Variants in SGSM1 observed in about 807,000 individuals in gnomAD.
SGSM1 encodes the protein small G protein signaling modulator 1, also known as RUN and TBC1 domain containing 2.
SGSM1 carries 73 observed loss-of-function variants against 133.8 expected under a neutral mutation model. That is an observed-to-expected ratio of 0.55 (90% CI 0.45 to 0.66). The LOEUF (loss-of-function observed/expected upper bound fraction) is 0.66. Among genes scored for constraint, SGSM1 ranks in the 30% least tolerant of loss-of-function variants. The pLI is 0.00. For missense variants in SGSM1, 1,213 were observed against 1,448.1 expected, an observed-to-expected ratio of 0.84 and a Z score of 2.64; for synonymous variants, 563 against 573.0, an observed-to-expected ratio of 0.98 and a Z score of 0.25.
intron 17 of SGSM1, 148 bp from the exon 18 acceptor site, chr22:24,895,075 G>A (rs1932882224): frequency 1.3e-6 from 1 of 770,566 alleles, no homozygotes; most frequent in Admixed American, 2.2e-5. Flanking sequence ...TCATTTTACA[G>A]CTAGGAAACT....
intron 14 of SGSM1, among the ~76,000 whole-genome samples, chr22:24,883,763 C>T (rs1369682278): frequency 6.6e-6 from 1 of 152,086 alleles, no homozygotes; most frequent in African/African-American, 2.4e-5. Flanking sequence ...TCGAGGCCAG[C>T]CTGGGCAAGA....
rs892227713 is a variant in SGSM1 at position 24,859,730 on chromosome 22, G to A, written c.816G>A (p.Glu272=). The A allele has an allele frequency of 1.9e-6, 3 of 1,613,918 alleles. No homozygotes were observed. Among genetic ancestry groups the A allele is most frequent in the East Asian group, 4.5e-5 (2 of 44,888 alleles). ...NVLVQPRDDM[E]AVPGYLSLHQ... is the part of the protein sequence containing the mutation. ...TCTCTCTGCAGAGGGACGACATGGAGGCTGTGCCAGGGTACCTGTCCCTGC... is the reference window on the plus strand; with the variant it reads ...TCTCTCTGCAGAGGGACGACATGGAAGCTGTGCCAGGGTACCTGTCCCTGC... Residue 272 remains glutamate, a synonymous_variant, in exon 9 of 25, where the codon GAG becomes GAA. Transcript: ENST00000400358.
intron 3 of SGSM1, among the ~76,000 whole-genome samples, chr22:24,847,420 G>A (rs543783977): frequency 2.8e-4 from 43 of 152,284 alleles, no homozygotes; most frequent in African/African-American, 9.9e-4. Flanking sequence ...CCCAGCAGAT[G>A]CCTAATAAGG....
rs559012693 is a variant in SGSM1 at position 24,840,005 on chromosome 22, C to T, written c.64-4892C>T. Reference sequence around the variant, plus strand: ...GCTGGAGTGCTGGAGTGCAGTGGCGCGATCTCAGCTCACTGCAAGCTCCGC... The same window carrying T: ...GCTGGAGTGCTGGAGTGCAGTGGCGTGATCTCAGCTCACTGCAAGCTCCGC... On this transcript the variant is annotated intron_variant, in intron 2 of 24. Coordinates refer to ENST00000400358, the MANE Select transcript of SGSM1 (RefSeq NM_001098497.3). Among the ~76,000 whole-genome samples the T allele has an allele frequency of 1.9e-3, 276 of 143,482 alleles. 1 individual carries two copies. The highest frequency in any genetic ancestry group is 6.9e-3 in the African/African-American group (262 of 38,202). The allele number at this position is 143,482 out of a possible 152,430, so 94.1% of individuals were successfully genotyped here. A position where few individuals can be genotyped will look rare whatever the true frequency, so the allele number is the denominator to read the frequency against.
chr22:24,826,024 G>T (rs1320123110), intron 2 of SGSM1, among the ~76,000 whole-genome samples: 1 of 152,214 alleles, frequency 6.6e-6, no homozygotes, highest in Non-Finnish European at 1.5e-5. Flanking sequence ...ACTGTGCTGG[G>T]TGCTTTAAAC....
chr22:24,868,825 ATCATCTACCCTGGC>A lies in SGSM1; in HGVS notation c.1262_1275del (p.Ile421AsnfsTer41), dbSNP rs753084677. ...TGAGGCCACGGATTATGTGTTCAGG[ATCATCTACCCTGGC>A]ATGCAGTCGGAATTCGGTGAGCTGC... On this transcript the variant is annotated frameshift_variant, in exon 12 of 25. Coordinates refer to ENST00000400358, the MANE Select transcript of SGSM1 (RefSeq NM_001098497.3). LOFTEE classifies it high-confidence loss of function. The A allele has an allele frequency of 1.2e-6, 2 of 1,613,856 alleles. No homozygotes were observed. The highest frequency in any genetic ancestry group is 1.7e-6 in the Non-Finnish European group (2 of 1,179,902).
At chr22:24,872,665 T>C (rs1931821707) in intron 12 of SGSM1, among the ~76,000 whole-genome samples, 1 of 152,280 alleles carries the variant, frequency 6.6e-6, no homozygotes, top group East Asian at 1.9e-4. Context: ...ACGCCTGTAA[T>C]CCCAGCACTT....
intron 9 of SGSM1, among the ~76,000 whole-genome samples, chr22:24,862,768 C>T (rs938342290): frequency 1.3e-5 from 2 of 152,204 alleles, no homozygotes; most frequent in Non-Finnish European, 2.9e-5. Flanking sequence ...GCTATGGAAC[C>T]AAGCCTTTGC....
intron 21 of SGSM1, among the ~76,000 whole-genome samples, chr22:24,905,788 C>CAAAAAA (rs539155528): frequency 1.1e-5 from 1 of 88,540 alleles, no homozygotes; most frequent in Non-Finnish European, 2.5e-5. Context: ...GACTCTGTCT[C>CAAAAAA]AAAAAAAAAA....
At chr22:24,880,395 A>G (rs959999372) in intron 14 of SGSM1, among the ~76,000 whole-genome samples, 6 of 152,134 alleles carry the variant, frequency 3.9e-5, no homozygotes, top group African/African-American at 1.4e-4. Flanking sequence ...CAGGCTCCCA[A>G]AGTGCTGGGA....
At chr22:24,873,728 G>C (rs9917593) in intron 12 of SGSM1, among the ~76,000 whole-genome samples, 1,759 of 152,222 alleles carry the variant, frequency 0.012, 17 homozygotes, top group African/African-American at 0.04. Context: ...TGGCACGTGC[G>C]TGTAGTCCCA....
chr22:24,828,159 C>T (rs1377658779), intron 2 of SGSM1, among the ~76,000 whole-genome samples: 3 of 151,996 alleles, frequency 2.0e-5, no homozygotes, highest in African/African-American at 4.8e-5. Flanking sequence ...GGTTTCCTAG[C>T]ACCTTGATTT....
intron 18 of SGSM1, among the ~76,000 whole-genome samples, chr22:24,896,995 A>G (rs1325630644): frequency 6.6e-6 from 1 of 151,968 alleles, no homozygotes; most frequent in African/African-American, 2.4e-5. Flanking sequence ...AAATACATAC[A>G]TAAAAATAAA....
intron 8 of SGSM1, among the ~76,000 whole-genome samples, chr22:24,857,536 A>G (rs892413232): frequency 6.6e-6 from 1 of 151,892 alleles, no homozygotes; most frequent in Non-Finnish European, 1.5e-5. Flanking sequence ...ACGTGGATGT[A>G]GTTTTGTTTT....
intron 2 of SGSM1, among the ~76,000 whole-genome samples, chr22:24,836,298 G>T (rs981985794): frequency 6.6e-6 from 1 of 152,126 alleles, no homozygotes; most frequent in African/African-American, 2.4e-5. Context: ...CCTTTTTAAG[G>T]CTGGATAGTA....
At chr22:24,890,998 C>T (rs947750176) in intron 16 of SGSM1, among the ~76,000 whole-genome samples, 1 of 152,110 alleles carries the variant, frequency 6.6e-6, no homozygotes, top group African/African-American at 2.4e-5. Context: ...TATAACTTGT[C>T]GTGAATAGAA....
chr22:24,920,074 G>A (rs1164769386), intron 24 of SGSM1, 81 bp downstream of exon 24: 2 of 1,410,654 alleles, frequency 1.4e-6, no homozygotes, highest in Non-Finnish European at 1.9e-6. Flanking sequence ...GAATGAAGAT[G>A]GGCTGAGATG....
intron 16 of SGSM1, among the ~76,000 whole-genome samples, chr22:24,889,411 CTTT>C (rs535610385): frequency 5.8e-5 from 8 of 136,798 alleles, no homozygotes; most frequent in Non-Finnish European, 4.8e-5. Flanking sequence ...AAATGTATTT[CTTT>C]TTTTTTTTTT....
rs529229819 is a variant in SGSM1, at chr22:24,856,809, C to T, written c.801+1129C>T. ...TCTGAGACAGAGTCTCGCTCTATTG[C>T]CCAGGCTGGCATGCAGGGGTGCGAT... On this transcript the variant is annotated intron_variant, in intron 8 of 24. Transcript: ENST00000400358. 3.3e-5 allele frequency among the ~76,000 whole-genome samples: 5 copies of T among 150,372 alleles called. No individual in the cohort carries two copies. In the East Asian group the frequency reaches 7.9e-4, roughly 24 times the overall value.
Sources: gnomAD v4.1 joint callset for allele counts (sites outside exome capture counted in the v4.1 genomes callset) on GRCh38, gnomAD v4.1.1 for gene constraint, MANE v1.5 for transcripts, NCBI Gene and HGNC (gene_info 2026-07-23, HGNC 2026-07-21) for gene names.